Variants in NCOR1 observed in about 807,000 individuals in gnomAD.
NCOR1 encodes the protein protein phosphatase 1, regulatory subunit 109.
In NCOR1, 63 loss-of-function variants were observed where a neutral mutation model predicts 288.1. The ratio of observed to expected loss-of-function variants is 0.22; its 90% CI spans 0.18 to 0.27. The LOEUF is 0.27. Ranked by LOEUF, NCOR1 falls within the 10% of genes least tolerant of loss-of-function variation. The pLI is 1.00. For synonymous variants in NCOR1, 1,007 were observed against 1,065.9 expected (o/e 0.94, Z 1.08); for missense variants, 2,397 against 3,019.2 (o/e 0.79, Z 4.83).
chr17:16,173,880 G>A (rs77566414), intron 3 of NCOR1, among the ~76,000 whole-genome samples: 3,564 of 151,804 alleles, frequency 0.023, 143 homozygotes, highest in African/African-American at 0.081. Context: ...GAGGTGACCC[G>A]AGATCATGCC....
At chr17:16,140,952 T>C (rs2077060580) in intron 11 of NCOR1, among the ~76,000 whole-genome samples, 1 of 148,700 alleles carries the variant, frequency 6.7e-6, no homozygotes, top group Non-Finnish European at 1.5e-5. Context: ...GGTCACACCA[T>C]TGCACTCCAG....
intron 18 of NCOR1, among the ~76,000 whole-genome samples, chr17:16,110,323 T>A (rs2069778065): frequency 1.3e-5 from 2 of 151,272 alleles, no homozygotes; most frequent in African/African-American, 4.9e-5. Flanking sequence ...GCCACTGCAC[T>A]CCAGGCTGGG....
chr17:16,056,025 T>A (rs1267883040), intron 40 of NCOR1, among the ~76,000 whole-genome samples: 1 of 152,234 alleles, frequency 6.6e-6, no homozygotes, highest in Admixed American at 6.5e-5. Flanking sequence ...AGGTGTATTA[T>A]ACTTGTTCTC....
chr17:16,098,565 GTTC>G (rs1041008757), intron 20 of NCOR1, 69 bp from the exon 21 acceptor site: 30 of 1,379,304 alleles, frequency 2.2e-5, no homozygotes, highest in African/African-American at 2.9e-5. Context: ...ATCACTATAA[GTTC>G]TTCTAAGTTA....
chr17:16,158,894 G>C (rs200513964), intron 5 of NCOR1, 21 bp from the exon 6 acceptor site: 2 of 1,568,766 alleles, frequency 1.3e-6, no homozygotes, highest in South Asian at 1.1e-5. Context: ...CAGAAAGAAA[G>C]AGTCAAGCAT....
intron 23 of NCOR1, among the ~76,000 whole-genome samples, chr17:16,085,170 A>G (rs1214777830): frequency 6.6e-6 from 1 of 152,248 alleles, no homozygotes; most frequent in African/African-American, 2.4e-5. Context: ...AAGCACATGA[A>G]AAGTGCCCAA....
At position 16,072,179 on chromosome 17, in the gene NCOR1, T is replaced by C. The variant is rs760982917; in HGVS notation, c.3861A>G (p.Lys1287=). 6.2e-7 allele frequency: 1 copy of C among 1,612,854 alleles called. No homozygotes were observed. Residue 1287 remains lysine, a synonymous_variant, in exon 29 of 46, where the codon AAA becomes AAG. Transcript: ENST00000268712. Reference sequence around the variant, plus strand: ...TGGAGCCAGACAATACAGTCCTTTCTTTGAGGTCAGAATGAGGACTCCCCC... The same window carrying C: ...TGGAGCCAGACAATACAGTCCTTTCCTTGAGGTCAGAATGAGGACTCCCCC... The part of the protein sequence containing the change: ...LPRGSPHSDL[K]ERTVLSGSIM...
Position 16,061,439 on chromosome 17 carries a change from C to T in NCOR1, c.5843G>A (p.Arg1948Lys). Residue 1948 changes from arginine (R) to lysine (K), a missense_variant, in exon 37 of 46, where the codon AGG (arginine) becomes AAG (lysine). Arg to Lys is a conservative substitution (Grantham distance 26). Around this residue, in one of 11 missense-constraint regions of NCOR1, gnomAD observed 1,872 missense variants for 2,187.8 expected, o/e 0.86. Coordinates refer to ENST00000268712, the MANE Select transcript of NCOR1 (RefSeq NM_006311.4). ...GTCTGAACTTTGAGAGCCACGTTCCCTCGCATCCTTGTCCGAGGCAATTTG... is the reference window on the plus strand; with the variant it reads ...GTCTGAACTTTGAGAGCCACGTTCCTTCGCATCCTTGTCCGAGGCAATTTG... ...TRQIASDKDARERGSQSSDSS... is the reference protein window; with the variant it reads ...TRQIASDKDAKERGSQSSDSS... 1 of 1,614,210 alleles carries T rather than the reference C, an allele frequency of 6.2e-7. No homozygotes were observed. Among genetic ancestry groups the T allele is most frequent in the Middle Eastern group, 1.6e-4 (1 of 6,062 alleles).
intron 44 of NCOR1, 103 bp downstream of exon 44, chr17:16,039,330 A>G (rs748379342): frequency 4.4e-6 from 5 of 1,143,640 alleles, no homozygotes; most frequent in African/African-American, 3.1e-5. Context: ...CTCTGAGCAC[A>G]TAAAGACATA....
chr17:16,155,582 G>T (rs1258496797), intron 6 of NCOR1, among the ~76,000 whole-genome samples: 1 of 152,238 alleles, frequency 6.6e-6, no homozygotes, highest in South Asian at 2.1e-4. Context: ...ATTTAACTAT[G>T]ATGCAAGTCA....
rs139451250 is a variant in NCOR1, at chr17:16,114,747, G to A, written c.2055+3141C>T. On this transcript the variant is annotated intron_variant, in intron 18 of 45. Coordinates refer to ENST00000268712, the MANE Select transcript of NCOR1 (RefSeq NM_006311.4). ...GCTGATGCAAGAGGTGGGTTCCCAC[G>A]GTCTTGGGCAGCTCCAATCCTGTGG... is the stretch of plus-strand genomic sequence containing the variant. Among the ~76,000 whole-genome samples the A allele has an allele frequency of 3.2e-3, 485 of 152,292 alleles. 2 individuals are homozygous for A. Among genetic ancestry groups the A allele is most frequent in the Admixed American group, 8.5e-3 (130 of 15,296 alleles).
intron 20 of NCOR1, among the ~76,000 whole-genome samples, chr17:16,099,279 T>C (rs1263318190): frequency 1.3e-5 from 2 of 152,148 alleles, no homozygotes; most frequent in Non-Finnish European, 2.9e-5. Flanking sequence ...TGAGGAAATT[T>C]TGTACTAGTG....
intron 25 of NCOR1, 147 bp downstream of exon 25, chr17:16,080,261 T>C (rs1598317483): frequency 1.2e-6 from 1 of 862,756 alleles, no homozygotes; most frequent in African/African-American, 1.7e-5. Context: ...TTCAAGGTTT[T>C]AAAATGACTT....
At chr17:16,093,088 A>G (rs921674120) in intron 21 of NCOR1, among the ~76,000 whole-genome samples, 5 of 152,162 alleles carry the variant, frequency 3.3e-5, no homozygotes, top group African/African-American at 1.2e-4. Context: ...ACTTTCTCCA[A>G]GTTCCACACT....
chr17:16,120,172 T>A (rs150182681), intron 16 of NCOR1, among the ~76,000 whole-genome samples: 225 of 152,232 alleles, frequency 1.5e-3, no homozygotes, highest in African/African-American at 5.2e-3. Flanking sequence ...ATGACATGCA[T>A]CAACTCTGAA....
chr17:16,149,929 G>A (rs1003597646), intron 8 of NCOR1, among the ~76,000 whole-genome samples: 11 of 152,062 alleles, frequency 7.2e-5, no homozygotes, highest in Admixed American at 2.6e-4. Context: ...TCCCTTCTAC[G>A]AGGAAAATGT....
intron 6 of NCOR1, among the ~76,000 whole-genome samples, chr17:16,154,916 T>C (rs2079476986): frequency 6.6e-6 from 1 of 152,166 alleles, no homozygotes. Flanking sequence ...TACCTCAACA[T>C]ACATGAAGTG....
At chr17:16,145,355 C>T (rs919798464) in intron 10 of NCOR1, among the ~76,000 whole-genome samples, 24 of 150,952 alleles carry the variant, frequency 1.6e-4, no homozygotes, top group Admixed American at 4.6e-4. Flanking sequence ...TCTGCCTGGA[C>T]GCCCATCGTC....
chr17:16,071,158 G>C (rs767876482), intron 30 of NCOR1, among the ~76,000 whole-genome samples: 1 of 150,154 alleles, frequency 6.7e-6, no homozygotes, highest in South Asian at 2.1e-4. Flanking sequence ...CATGCCTGTA[G>C]TCCTAGCTAC....
Sources: allele counts gnomAD v4.1 joint callset (sites outside exome capture counted in the v4.1 genomes callset), GRCh38; gene constraint gnomAD v4.1.1; regional missense constraint gnomAD v4.1.1; transcripts MANE v1.5; gene names NCBI Gene and HGNC (gene_info 2026-07-23, HGNC 2026-07-21).